Variants in PCDH19 observed in about 807,000 individuals in gnomAD.
PCDH19 encodes the protein protocadherin-19.
Under a neutral mutation model 46.2 loss-of-function variants are expected in PCDH19, and 6 were observed. The ratio of observed to expected loss-of-function variants is 0.13; its 90% confidence interval spans 0.07 to 0.26. PCDH19 has a LOEUF of 0.26. PCDH19 is among the 10% of genes least tolerant of loss of function. The pLI is 1.00. For missense variants in PCDH19, 740 were observed against 972.3 expected, an observed-to-expected ratio of 0.76 and a Z score of 3.18; for synonymous variants, 481 against 415.7, an observed-to-expected ratio of 1.16 and a Z score of -1.91.
chrX:100,361,576 A>G (rs1379348883), intron 3 of PCDH19, among the ~76,000 whole-genome samples: 1 of 112,165 alleles, frequency 8.9e-6, no homozygotes, highest in Non-Finnish European at 1.9e-5. Context: ...AATGCACACA[A>G]TACAAAAAAA....
intron 5 of PCDH19, among the ~76,000 whole-genome samples, chrX:100,303,798 G>A (rs1016784212): frequency 4.5e-5 from 5 of 110,502 alleles, no homozygotes; most frequent in South Asian, 7.7e-4. Context: ...TTGTTCTCCC[G>A]TTCCCTAGCC....
At chrX:100,374,730 G>A (rs750890923) in intron 3 of PCDH19, among the ~76,000 whole-genome samples, 49 of 111,516 alleles carry the variant, frequency 4.4e-4, no homozygotes, top group Non-Finnish European at 7.3e-4. Context: ...ACAAGGTCAG[G>A]AGATCGAGAC....
At position 100,341,984 on chromosome X, in the gene PCDH19, G is replaced by A. The variant is rs752763816; in HGVS notation, c.2767C>T (p.Arg923Trp). Residue 923 changes from arginine (R) to tryptophan (W), a missense_variant, in exon 5 of 6, where the codon CGG becomes TGG. By Grantham distance (101) the Arg-to-Trp change is moderately radical. This residue lies in a region of PCDH19 where 416 missense variants were observed against 476.8 expected (regional missense o/e 0.87). Coordinates refer to ENST00000373034, the MANE Select transcript of PCDH19 (RefSeq NM_001184880.2). The part of the protein sequence containing the change: ...DQTDSEHDVQ[R>W]SLYCDTAVND... ...ACAGCAGTATCACAATACAGGCTCC[G>A]CTGGACATCATGCTCACTGTCAGTT... The A allele has an allele frequency of 1.7e-5, 21 of 1,205,877 alleles. No individual in the cohort carries two copies. The highest frequency in any genetic ancestry group is 2.1e-5 in the Non-Finnish European group (19 of 891,557).
intron 5 of PCDH19, among the ~76,000 whole-genome samples, chrX:100,300,974 TAAGGCAG>T (rs1002198026): frequency 1.1e-4 from 12 of 108,010 alleles, no homozygotes; most frequent in African/African-American, 3.4e-4. Flanking sequence ...AAAGAGGCAG[TAAGGCAG>T]TAATGACTAA....
At chrX:100,386,094 A>G (rs1457868405) in intron 3 of PCDH19, among the ~76,000 whole-genome samples, 5 of 111,720 alleles carry the variant, frequency 4.5e-5, no homozygotes, top group African/African-American at 1.6e-4. Context: ...TATTGGTTGC[A>G]GGGAGCTTTT....
At chrX:100,368,354 G>A (rs1038858767) in intron 3 of PCDH19, among the ~76,000 whole-genome samples, 1 of 111,502 alleles carries the variant, frequency 9.0e-6, no homozygotes, top group Admixed American at 9.5e-5. Flanking sequence ...CAGCCTGTAG[G>A]TGGAGACCTT....
chrX:100,337,417 G>C (rs1342301102), intron 5 of PCDH19, among the ~76,000 whole-genome samples: 1 of 112,258 alleles, frequency 8.9e-6, no homozygotes, highest in Non-Finnish European at 1.9e-5. Flanking sequence ...GAAAGCACAG[G>C]ATAAAGAATT....
At chrX:100,342,794 T>C (rs1023566818) in intron 4 of PCDH19, among the ~76,000 whole-genome samples, 10 of 112,403 alleles carry the variant, frequency 8.9e-5, no homozygotes, top group Admixed American at 9.4e-5. Flanking sequence ...TAAGTCAGTT[T>C]TATCTGAGAA....
rs1354892210 is a variant in PCDH19 at position 100,402,609 on chromosome X, C to T, written c.2531G>A (p.Ser844Asn). ...AGAGTGATGGTAGATGTGGTTAGCA[C>T]TGGTGTTGCGGGTATTCTGGTTCTC... is the stretch of plus-strand genomic sequence containing the variant. Reference protein sequence around the residue: ...NVENQNTRNTSANHIYHHSFN... With the variant: ...NVENQNTRNTNANHIYHHSFN... Residue 844 changes from serine to asparagine, a missense_variant, in exon 3 of 6, where the codon AGT (serine) becomes AAT (asparagine). By Grantham distance (46) the Ser-to-Asn change is conservative. Transcript: ENST00000373034. The T allele has an allele frequency of 8.3e-7, 1 of 1,211,525 alleles. No homozygotes were observed. The highest frequency in any genetic ancestry group is 1.8e-5 in the South Asian group (1 of 56,975).
intron 3 of PCDH19, among the ~76,000 whole-genome samples, chrX:100,354,057 C>G (rs756026564): frequency 5.4e-5 from 6 of 111,929 alleles, no homozygotes; most frequent in Non-Finnish European, 7.5e-5. Context: ...ATAGAATACA[C>G]TATTCTGGCC....
At position 100,408,389 on chromosome X, in the gene PCDH19, T is replaced by C; in HGVS notation, c.209A>G (p.His70Arg). ...AGAGCTGGGATTGATGTCCACTAGG[T>C]GTGGAGCCGAGTTGGACACCACGCG... ...AFRVVSNSAPHLVDINPSSGL... is the reference protein window; with the variant it reads ...AFRVVSNSAPRLVDINPSSGL... Residue 70 changes from histidine to arginine, a missense_variant, in exon 1 of 6, where the codon CAC becomes CGC. Around this residue, in one of 5 missense-constraint regions of PCDH19, gnomAD observed 81 missense variants for 96.5 expected, o/e 0.84. Transcript: ENST00000373034. 8.3e-7 allele frequency: 1 copy of C among 1,208,080 alleles called. No homozygotes were observed. The highest frequency in any genetic ancestry group is 1.1e-6 in the Non-Finnish European group (1 of 894,115).
In PCDH19 at chrX:100,293,883, A is replaced by G. The variant is rs1924507690; in HGVS notation, c.*2394T>C. ...ATTTAAAACTTGGCTGGTAAGAGGC[A>G]TGGCAGCCAGTGGCCTCTCTGGCTC... On this transcript the variant is annotated 3_prime_UTR_variant, in exon 6 of 6. Transcript: ENST00000373034. The G allele has an allele frequency of 8.9e-6, 1 of 112,037 alleles. No homozygotes were observed. Among genetic ancestry groups the G allele is most frequent in the South Asian group, 3.8e-4 (1 of 2,653 alleles). The allele number at this position is 112,037 out of a possible 1,213,427, so 9.2% of individuals were successfully genotyped here. A position where few individuals can be genotyped will look rare whatever the true frequency, so the allele number is the denominator to read the frequency against.
At position 100,356,758 on chromosome X, in the gene PCDH19, T is replaced by TTC. The variant is rs60053212; in HGVS notation, c.2617-6056_2617-6055dup. Reference sequence around the variant, plus strand: ...CCCCACACACCCCAGCCCTAATTCATTCTCTCTCTCTCTCTCACACACACA... The same window carrying TTC: ...CCCCACACACCCCAGCCCTAATTCATTCTCTCTCTCTCTCTCTCACACACACA... On this transcript the variant is annotated intron_variant, in intron 3 of 5. Transcript: ENST00000373034. Among the ~76,000 whole-genome samples, 566 of 102,871 alleles carry TTC rather than the reference T, an allele frequency of 5.5e-3. 12 individuals are homozygous for TTC. Among genetic ancestry groups the TTC allele is most frequent in the Admixed American group, 0.034 (312 of 9,284 alleles). The allele number at this position is 102,871 out of a possible 115,157, so 89.3% of individuals were successfully genotyped here.
chrX:100,357,331 C>T (rs764614799), intron 3 of PCDH19, among the ~76,000 whole-genome samples: 5 of 111,879 alleles, frequency 4.5e-5, no homozygotes, highest in Non-Finnish European at 9.4e-5. Flanking sequence ...TCATATGTGT[C>T]ATATGTACAT....
intron 3 of PCDH19, among the ~76,000 whole-genome samples, chrX:100,368,390 C>T (rs1023057185): frequency 2.7e-5 from 3 of 111,583 alleles, no homozygotes; most frequent in Admixed American, 1.9e-4. Flanking sequence ...GTCAGTCCCA[C>T]TCTCTGTCAG....
At chrX:100,371,105 T>G (rs189519089) in intron 3 of PCDH19, among the ~76,000 whole-genome samples, 8 of 110,917 alleles carry the variant, frequency 7.2e-5, no homozygotes, top group African/African-American at 2.3e-4. Context: ...AATAAAATTA[T>G]GGCAATCAAA....
chrX:100,374,715 G>A (rs1322229976), intron 3 of PCDH19, among the ~76,000 whole-genome samples: 5 of 111,464 alleles, frequency 4.5e-5, no homozygotes, highest in African/African-American at 9.8e-5. Flanking sequence ...CGAGGCTGGC[G>A]GATCACAAGG....
intron 3 of PCDH19, among the ~76,000 whole-genome samples, chrX:100,379,740 ACCT>A (rs924403052): frequency 1.8e-5 from 2 of 112,160 alleles, no homozygotes; most frequent in Non-Finnish European, 3.8e-5. Context: ...GAGGCCCTTG[ACCT>A]CCTATTTATC....
intron 5 of PCDH19, among the ~76,000 whole-genome samples, chrX:100,315,020 T>G (rs1198600068): frequency 9.0e-6 from 1 of 111,591 alleles, no homozygotes. Flanking sequence ...AACTCATACC[T>G]CCAAGGAAGC....
Sources: allele counts gnomAD v4.1 joint callset (sites outside exome capture counted in the v4.1 genomes callset), GRCh38; gene constraint gnomAD v4.1.1; regional missense constraint gnomAD v4.1.1; transcripts MANE v1.5; gene names NCBI Gene and HGNC (gene_info 2026-07-23, HGNC 2026-07-21).